PPFIBP1: variants seen among roughly 807,000 people sequenced by gnomAD.
PPFIBP1 encodes the protein PPFIB scaffold protein 1.
PPFIBP1 carries 112 observed loss-of-function variants against 137.8 expected under a neutral mutation model. The observed-to-expected ratio is 0.81, with a 90% CI of 0.70 to 0.95. The LOEUF is 0.95. Among genes scored for constraint, PPFIBP1 ranks in the 40% least tolerant of loss-of-function variants. The pLI, the probability that PPFIBP1 is intolerant of heterozygous loss-of-function variation, is 0.00. For missense variants in PPFIBP1, 1,083 were observed against 1,196.6 expected, an observed-to-expected ratio of 0.91 and a Z score of 1.40; for synonymous variants, 378 against 417.3, an observed-to-expected ratio of 0.91 and a Z score of 1.15.
At position 27,658,117 on chromosome 12, in the gene PPFIBP1, A is replaced by T. The variant is rs139406815; in HGVS notation, c.812-699A>T. ...GTGTCACTGCACTTCAGCCTGGGCA[A>T]TGGAGCAAGATCCTGTCTCTGAAAA... On this transcript the variant is annotated intron_variant, in intron 9 of 29. Coordinates refer to ENST00000228425, the MANE Select transcript of PPFIBP1 (RefSeq NM_003622.4). Among the ~76,000 whole-genome samples, 5 of 146,550 alleles carry T rather than the reference A, an allele frequency of 3.4e-5. No homozygotes were observed. In the East Asian group the frequency reaches 1.0e-3, roughly 30 times the overall value.
intron 12 of PPFIBP1, among the ~76,000 whole-genome samples, chr12:27,665,280 G>A (rs1226685792): frequency 6.6e-6 from 1 of 152,194 alleles, no homozygotes; most frequent in Non-Finnish European, 1.5e-5. Context: ...TCAGAGATTT[G>A]CAGTATTCCA....
At chr12:27,682,924 A>G (rs998121739) in intron 24 of PPFIBP1, among the ~76,000 whole-genome samples, 1 of 151,984 alleles carries the variant, frequency 6.6e-6, no homozygotes, top group Admixed American at 6.6e-5. Context: ...ACCCCAATGT[A>G]AGCTAAGTGA....
intron 11 of PPFIBP1, among the ~76,000 whole-genome samples, chr12:27,663,555 T>C (rs894712591): frequency 2.0e-5 from 3 of 151,390 alleles, no homozygotes; most frequent in Non-Finnish European, 4.4e-5. Context: ...TAGAAAAAGG[T>C]TGGGGCCGGG....
Position 27,682,653 on chromosome 12 carries a change from C to T in PPFIBP1, c.2197C>T (p.Gln733Ter). The T allele has an allele frequency of 6.2e-7, 1 of 1,614,120 alleles. No homozygotes were observed. The highest frequency in any genetic ancestry group is 1.1e-5 in the South Asian group (1 of 91,088). The stretch of plus-strand genomic sequence containing the variant: ...CATTGGCCTCCCTCAATATAAGACC[C>T]AGTTTGATGAAGGACGGGTTGATGG... ...DDIGLPQYKT[Q>*]FDEGRVDGRM... The change falls in exon 24 of 30, where the codon CAG becomes TAG. Residue 733 changes from glutamine to a stop codon, truncating the protein, a stop_gained. Transcript: ENST00000228425. LOFTEE classifies it high-confidence loss of function.
Position 27,594,242 on chromosome 12 carries a change from A to C in PPFIBP1, c.-36+16003A>C, listed in dbSNP as rs1211711553. On this transcript the variant is annotated intron_variant, in intron 2 of 29. Transcript: ENST00000228425. The stretch of plus-strand genomic sequence containing the variant: ...ATCCAGGCTGGAGTGCAGTGGTGTG[A>C]TCTCGGCTCACTGCAACCTCCACCT... Among the ~76,000 whole-genome samples the C allele has an allele frequency of 5.7e-5, 7 of 123,700 alleles. No homozygotes were observed. In the East Asian group the frequency reaches 1.7e-3, roughly 30 times the overall value. 81.2% of individuals were successfully genotyped at this position (123,700 alleles called of 152,430 possible).
chr12:27,546,899 G>A (rs1334610215), intron 1 of PPFIBP1, among the ~76,000 whole-genome samples: 1 of 152,156 alleles, frequency 6.6e-6, no homozygotes, highest in Non-Finnish European at 1.5e-5. Flanking sequence ...CTACCAGGGA[G>A]GATGAGGTGG....
chr12:27,662,452 A>T (rs572150739), intron 11 of PPFIBP1, among the ~76,000 whole-genome samples: 2 of 152,352 alleles, frequency 1.3e-5, no homozygotes, highest in Admixed American at 1.3e-4. Context: ...GAGAGTGAAG[A>T]CAGACAAACA....
intron 2 of PPFIBP1, among the ~76,000 whole-genome samples, chr12:27,601,255 T>A (rs532284399): frequency 2.6e-5 from 4 of 152,348 alleles, no homozygotes; most frequent in African/African-American, 7.2e-5. Flanking sequence ...TCAACTGCTT[T>A]TTTTGCTTTA....
intron 2 of PPFIBP1, among the ~76,000 whole-genome samples, chr12:27,600,900 A>C (rs1242363402): frequency 6.6e-6 from 1 of 152,188 alleles, no homozygotes; most frequent in Non-Finnish European, 1.5e-5. Flanking sequence ...ATACATATAT[A>C]TTGTGGAATG....
rs1024273412 is a variant in PPFIBP1, at chr12:27,694,927, A to G, written c.*2045A>G. 6.6e-6 allele frequency: 1 copy of G among 152,164 alleles called. No homozygotes were observed. The highest frequency in any genetic ancestry group is 6.5e-5 in the Admixed American group (1 of 15,274). 9.4% of individuals were successfully genotyped at this position (152,164 alleles called of 1,614,324 possible). On this transcript the variant is annotated 3_prime_UTR_variant, in exon 30 of 30. Coordinates refer to ENST00000228425, the MANE Select transcript of PPFIBP1 (RefSeq NM_003622.4). ...TTCATTAAAGAACTTGTAATATCAA[A>G]TTACTATTTATTCATAACAATTGAT...
chr12:27,619,120 C>T (rs943284484), intron 2 of PPFIBP1, among the ~76,000 whole-genome samples: 17 of 152,004 alleles, frequency 1.1e-4, no homozygotes, highest in African/African-American at 3.4e-4. Context: ...TTTTTATATA[C>T]GAGATCCAGG....
At chr12:27,531,459 AT>A (rs11434409) in intron 1 of PPFIBP1, among the ~76,000 whole-genome samples, 14,464 of 144,784 alleles carry the variant, frequency 0.1, 980 homozygotes, top group East Asian at 0.29. Flanking sequence ...TGAGCAGCTA[AT>A]TTTTTTTTTT....
chr12:27,643,522 G>A (rs1368935735), intron 4 of PPFIBP1, among the ~76,000 whole-genome samples: 4 of 131,418 alleles, frequency 3.0e-5, no homozygotes, highest in Non-Finnish European at 6.4e-5. Context: ...CCTGATAGAG[G>A]TGGACCTTAA....
chr12:27,581,269 C>T (rs1219588731), intron 2 of PPFIBP1, among the ~76,000 whole-genome samples: 1 of 152,146 alleles, frequency 6.6e-6, no homozygotes, highest in Non-Finnish European at 1.5e-5. Flanking sequence ...TAAGCAACAC[C>T]CTAGTCTCTC....
Position 27,693,009 on chromosome 12 carries a change from A to C in PPFIBP1, c.*127A>C. On this transcript the variant is annotated 3_prime_UTR_variant, in exon 30 of 30. Transcript: ENST00000228425. ...GTTGTTCCAACTTCTGCTGTCGAGA[A>C]GTTTAAACAGAAAGCAGGAGTAATG... is the stretch of plus-strand genomic sequence containing the variant. 7.1e-7 allele frequency: 1 copy of C among 1,415,336 alleles called. No homozygotes were observed. The highest frequency in any genetic ancestry group is 9.3e-7 in the Non-Finnish European group (1 of 1,079,082). The allele number at this position is 1,415,336 out of a possible 1,614,324, so 87.7% of individuals were successfully genotyped here. A position where few individuals can be genotyped will look rare whatever the true frequency, so the allele number is the denominator to read the frequency against.
At chr12:27,537,426 C>T (rs552342937) in intron 1 of PPFIBP1, among the ~76,000 whole-genome samples, 83 of 152,254 alleles carry the variant, frequency 5.5e-4, no homozygotes, top group East Asian at 2.7e-3. Context: ...CCACCGCGCC[C>T]GGCCCCCCGT....
intron 2 of PPFIBP1, among the ~76,000 whole-genome samples, chr12:27,593,129 CAAAAAAA>C (rs33939858): frequency 5.0e-5 from 5 of 100,944 alleles, no homozygotes; most frequent in African/African-American, 1.6e-4. Flanking sequence ...AAGAATGTCT[CAAAAAAA>C]AAAAAAAAAA....
chr12:27,564,180 C>G (rs2049438297), intron 1 of PPFIBP1, among the ~76,000 whole-genome samples: 1 of 152,124 alleles, frequency 6.6e-6, no homozygotes, highest in African/African-American at 2.4e-5. Context: ...CAATGCTTAC[C>G]TTTTTACATG....
At chr12:27,551,550 A>G (rs1287370246) in intron 1 of PPFIBP1, among the ~76,000 whole-genome samples, 1 of 150,446 alleles carries the variant, frequency 6.6e-6, no homozygotes, top group African/African-American at 2.4e-5. Flanking sequence ...GAAATCCAAA[A>G]AAATAGAAAA....
Sources: allele counts gnomAD v4.1 joint callset (sites outside exome capture counted in the v4.1 genomes callset), GRCh38; gene constraint gnomAD v4.1.1; transcripts MANE v1.5; gene names NCBI Gene and HGNC (gene_info 2026-07-23, HGNC 2026-07-21).